TCF4: variants seen among roughly 807,000 people sequenced by gnomAD.
The protein encoded by TCF4 is transcription factor 4.
Under a neutral mutation model 82.1 loss-of-function variants are expected in TCF4, and 3 were observed. That is an observed-to-expected ratio of 0.04 (90% CI 0.02 to 0.09). The LOEUF (loss-of-function observed/expected upper bound fraction) is 0.09, where lower values mean the gene tolerates loss of function less well. TCF4 is among the 10% of genes least tolerant of loss of function. The probability of loss-of-function intolerance (pLI) is 1.00; values close to 1 mark genes in which losing one functional copy is unlikely to be tolerated. For missense variants in TCF4, 518 were observed against 852.7 expected (o/e 0.61, Z 4.89); for synonymous variants, 276 against 309.6 (o/e 0.89, Z 1.14).
intron 4 of TCF4, among the ~76,000 whole-genome samples, chr18:55,463,719 C>G (rs1190342358): frequency 6.6e-6 from 1 of 152,066 alleles, no homozygotes; most frequent in Non-Finnish European, 1.5e-5. Context: ...GTTTTTCCAT[C>G]TACAACAAAC....
At chr18:55,625,263 G>A (rs557126323) in intron 2 of TCF4, among the ~76,000 whole-genome samples, 104 of 149,568 alleles carry the variant, frequency 7.0e-4, no homozygotes, top group Admixed American at 1.5e-3. Context: ...TTTTGAGATG[G>A]GAACTTGCTT....
At chr18:55,327,657 T>G (rs578213747) in intron 8 of TCF4, among the ~76,000 whole-genome samples, 42 of 152,156 alleles carry the variant, frequency 2.8e-4, no homozygotes, top group Non-Finnish European at 5.7e-4. Context: ...TATAAAGTAA[T>G]TCACATTGAT....
intron 8 of TCF4, among the ~76,000 whole-genome samples, chr18:55,347,029 AG>A (rs1446569126): frequency 6.6e-6 from 1 of 152,218 alleles, no homozygotes; most frequent in African/African-American, 2.4e-5. Context: ...TGAAATGAGC[AG>A]TAAAGTTGCA....
At chr18:55,479,430 C>G (rs2096373473) in intron 3 of TCF4, 2 of 153,342 alleles carry the variant, frequency 1.3e-5, no homozygotes. Context: ...TAAAGCCAGG[C>G]TATGTTTTCA....
At chr18:55,397,636 C>CT (rs2093577948) in intron 6 of TCF4, among the ~76,000 whole-genome samples, 1 of 152,042 alleles carries the variant, frequency 6.6e-6, no homozygotes. Flanking sequence ...TTTTAGTTGC[C>CT]TTTTTTAAGA....
chr18:55,562,939 T>C (rs1017737724), intron 3 of TCF4, among the ~76,000 whole-genome samples: 1 of 151,954 alleles, frequency 6.6e-6, no homozygotes, highest in Non-Finnish European at 1.5e-5. Context: ...ACACAACTAC[T>C]GGAATAAAAA....
chr18:55,326,024 G>A (rs1246374916), intron 8 of TCF4, among the ~76,000 whole-genome samples: 1 of 152,130 alleles, frequency 6.6e-6, no homozygotes, highest in African/African-American at 2.4e-5. Flanking sequence ...CTAGTACTCT[G>A]TGGCAGGTAT....
chr18:55,586,842 A>C, intron 2 of TCF4: 1 of 259,300 alleles, frequency 3.9e-6, no homozygotes, highest in Non-Finnish European at 7.1e-6. Flanking sequence ...ATAAAACTCA[A>C]AAAAAAAAAA....
intron 5 of TCF4, among the ~76,000 whole-genome samples, chr18:55,425,697 C>CTTTCAAATTAAA (rs2147052999): frequency 6.6e-6 from 1 of 152,264 alleles, no homozygotes; most frequent in East Asian, 1.9e-4. Flanking sequence ...ACGTTGGGCT[C>CTTTCAAATTAAA]TTTCAAATTA....
chr18:55,336,779 C>T (rs1267292472), intron 8 of TCF4, among the ~76,000 whole-genome samples: 3 of 152,024 alleles, frequency 2.0e-5, no homozygotes, highest in African/African-American at 7.2e-5. Flanking sequence ...AAGAATCTTG[C>T]ATTATTGGTG....
At chr18:55,594,858 C>T (rs189539387) in intron 2 of TCF4, among the ~76,000 whole-genome samples, 34 of 152,316 alleles carry the variant, frequency 2.2e-4, no homozygotes, top group South Asian at 4.1e-4. Context: ...CATGCTTCTC[C>T]TTACAGCTCA....
At chr18:55,316,217 A>C (rs1374500587) in intron 8 of TCF4, among the ~76,000 whole-genome samples, 1 of 152,158 alleles carries the variant, frequency 6.6e-6, no homozygotes, top group Non-Finnish European at 1.5e-5. Flanking sequence ...TCAGCTGTGC[A>C]GAGCAAATAT....
At chr18:55,526,541 T>C (rs1212240132) in intron 3 of TCF4, among the ~76,000 whole-genome samples, 1 of 152,180 alleles carries the variant, frequency 6.6e-6, no homozygotes, top group East Asian at 1.9e-4. Context: ...GCACTTATTT[T>C]ACCTCTGACA....
intron 2 of TCF4, among the ~76,000 whole-genome samples, chr18:55,620,437 T>G (rs2097716584): frequency 6.6e-6 from 1 of 152,158 alleles, no homozygotes; most frequent in Non-Finnish European, 1.5e-5. Flanking sequence ...CTATTCCTGG[T>G]CTTGTGAGAG....
intron 8 of TCF4, among the ~76,000 whole-genome samples, chr18:55,324,685 A>AC (rs761912459): frequency 1.3e-5 from 2 of 150,600 alleles, no homozygotes; most frequent in East Asian, 3.9e-4. Context: ...TACCACCCCC[A>AC]CCCCCCATGC....
intron 19 of TCF4, 84 bp downstream of exon 19, chr18:55,228,137 T>G: frequency 3.2e-6 from 5 of 1,545,590 alleles, no homozygotes; most frequent in African/African-American, 1.4e-5. Context: ...TATCTGTCAA[T>G]TTGGGTGAAA....
chr18:55,465,691 C>T (rs1412057636), intron 3 of TCF4, among the ~76,000 whole-genome samples: 2 of 152,084 alleles, frequency 1.3e-5, no homozygotes, highest in East Asian at 3.9e-4. Flanking sequence ...CTCTGGGATT[C>T]GCACATAAAT....
intron 3 of TCF4, among the ~76,000 whole-genome samples, chr18:55,536,468 C>T (rs1265146501): frequency 6.6e-6 from 1 of 152,158 alleles, no homozygotes; most frequent in Admixed American, 6.5e-5. Flanking sequence ...ACACAGTAAC[C>T]TAGTGCCATC....
At position 55,328,073 on chromosome 18, in the gene TCF4, T is replaced by C. The variant is rs111673621; in HGVS notation, c.549+22286A>G. 5.7e-3 allele frequency among the ~76,000 whole-genome samples: 875 copies of C among 152,278 alleles called. 9 individuals are homozygous for C. The highest frequency in any genetic ancestry group is 0.02 in the African/African-American group (825 of 41,566). ...ATGTAGCTAATAGCATTATGTGATA[T>C]GGCAAAGTGTAATACCAAGTAGCAA... On this transcript the variant is annotated intron_variant, in intron 8 of 19. Coordinates refer to ENST00000354452, the MANE Select transcript of TCF4 (RefSeq NM_001083962.2).
Sources: allele counts gnomAD v4.1 joint callset (sites outside exome capture counted in the v4.1 genomes callset), GRCh38; gene constraint gnomAD v4.1.1; transcripts MANE v1.5; gene names NCBI Gene and HGNC (gene_info 2026-07-23, HGNC 2026-07-21).